The following PIP5K1C variants were observed in gnomAD, a reference collection of about 807,000 sequenced individuals.
PIP5K1C encodes the protein phosphatidylinositol 4-phosphate 5-kinase type-1 gamma.
In PIP5K1C, 45 loss-of-function variants were observed where a neutral mutation model predicts 80.1. That is an observed-to-expected ratio of 0.56 (90% CI 0.44 to 0.72). The LOEUF is 0.72. Among genes scored for constraint, PIP5K1C ranks in the 30% least tolerant of loss-of-function variants. The pLI is 0.00. For missense variants in PIP5K1C, 753 were observed against 954.6 expected (o/e 0.79, Z 2.78); for synonymous variants, 498 against 420.1 (o/e 1.19, Z -2.27).
rs979715591 is a variant in PIP5K1C at position 3,664,832 on chromosome 19, G to A, written c.209C>T (p.Thr70Ile). The A allele has an allele frequency of 9.9e-6, 16 of 1,612,836 alleles. No individual in the cohort carries two copies. The highest frequency in any genetic ancestry group is 1.3e-5 in the African/African-American group (1 of 74,922). Residue 70 changes from threonine (T) to isoleucine (I), a missense_variant, in exon 3 of 18, where the codon ACC (threonine) becomes ATC (isoleucine). Around this residue, in one of 6 missense-constraint regions of PIP5K1C, gnomAD observed 139 missense variants for 289.7 expected, o/e 0.48. Transcript: ENST00000335312. Reference protein sequence around the residue: ...HRGVDASGETTYKKTTSSTLK... With the variant: ...HRGVDASGETIYKKTTSSTLK... Reference sequence around the variant, plus strand: ...GGGGAGCCGAGGAACCTTCTTGTAGGTGGTTTCGCCGGATGCGTCCACACC... The same window carrying A: ...GGGGAGCCGAGGAACCTTCTTGTAGATGGTTTCGCCGGATGCGTCCACACC...
intron 1 of PIP5K1C, among the ~76,000 whole-genome samples, chr19:3,681,836 T>C (rs1329479161): frequency 6.6e-6 from 1 of 151,972 alleles, no homozygotes; most frequent in Non-Finnish European, 1.5e-5. Context: ...AGGCACATTC[T>C]TCAGATAAAC....
At chr19:3,670,972 G>A (rs1483326926) in intron 1 of PIP5K1C, among the ~76,000 whole-genome samples, 4 of 152,268 alleles carry the variant, frequency 2.6e-5, no homozygotes, top group Admixed American at 6.5e-5. Context: ...CCGCGGCGGG[G>A]CGGAAGGTGC....
chr19:3,674,800 C>A (rs1194174268), intron 1 of PIP5K1C, among the ~76,000 whole-genome samples: 1 of 152,240 alleles, frequency 6.6e-6, no homozygotes, highest in Non-Finnish European at 1.5e-5. Flanking sequence ...CGTGCCCGGC[C>A]TATCTGTGGA....
chr19:3,648,042 G>A lies in PIP5K1C; in HGVS notation c.1211+583C>T, dbSNP rs557629101. ...GATTTTCTTTTTTCTTTTTTTTTGG[G>A]ACAGGGTCTTGCTCTGTCACCCAGC... is the stretch of plus-strand genomic sequence containing the variant. On this transcript the variant is annotated intron_variant, in intron 9 of 17. Transcript: ENST00000335312. The surrounding 1 kb of genome is among the most constrained non-coding windows in gnomAD (Gnocchi z 4.3). Among the ~76,000 whole-genome samples, 2 of 151,720 alleles carry A rather than the reference G, an allele frequency of 1.3e-5. No individual in the cohort carries two copies. Among genetic ancestry groups the A allele is most frequent in the South Asian group, 4.2e-4 (2 of 4,818 alleles).
In PIP5K1C at chr19:3,636,482, C is replaced by G. The variant is rs573609408; in HGVS notation, c.1920+2402G>C. 9 of 985,450 alleles carry G rather than the reference C, an allele frequency of 9.1e-6. No individual in the cohort carries two copies. The Admixed American group carries it at 1.8e-4, about 20-fold the overall frequency. 61.0% of individuals were successfully genotyped at this position (985,450 alleles called of 1,614,324 possible). A position where few individuals can be genotyped will look rare whatever the true frequency, so the allele number is the denominator to read the frequency against. ...GTGTTTTTCAAAGTCCAAGCACCCC[C>G]CTCCGTAGGCGGCCTCTGCGAACTG... On this transcript the variant is annotated intron_variant, in intron 16 of 17. Coordinates refer to ENST00000335312, the MANE Select transcript of PIP5K1C (RefSeq NM_012398.3).
chr19:3,666,326 G>A (rs1310818331), intron 2 of PIP5K1C, among the ~76,000 whole-genome samples: 1 of 152,234 alleles, frequency 6.6e-6, no homozygotes, highest in Non-Finnish European at 1.5e-5. Context: ...CCACCCCACT[G>A]CGCCCACTGG....
Position 3,644,069 on chromosome 19 carries a change from C to T in PIP5K1C, c.1510+18G>A. 1.2e-6 allele frequency: 2 copies of T among 1,609,724 alleles called. No individual in the cohort carries two copies. The highest frequency in any genetic ancestry group is 1.7e-6 in the Non-Finnish European group (2 of 1,179,720). ...CCCCTGTAGCGCCCACAAGCGCACT[C>T]TGCCCTCTGCCCCTCACCTTCGTCC... On this transcript the variant is annotated intron_variant, in intron 12 of 17. Coordinates refer to ENST00000335312, the MANE Select transcript of PIP5K1C (RefSeq NM_012398.3).
intron 1 of PIP5K1C, among the ~76,000 whole-genome samples, chr19:3,694,648 A>G (rs1398727420): frequency 6.6e-6 from 1 of 151,952 alleles, no homozygotes; most frequent in African/African-American, 2.4e-5. Context: ...ACCCCACGCG[A>G]CCCTCTCCCA....
At chr19:3,663,394 T>C (rs1600013762) in intron 3 of PIP5K1C, among the ~76,000 whole-genome samples, 1 of 152,088 alleles carries the variant, frequency 6.6e-6, no homozygotes. Context: ...ACACTCTGGG[T>C]GGTGGGGGGT....
intron 1 of PIP5K1C, among the ~76,000 whole-genome samples, chr19:3,675,228 A>C (rs1158860971): frequency 2.0e-5 from 3 of 152,218 alleles, no homozygotes; most frequent in Non-Finnish European, 4.4e-5. Flanking sequence ...AGTAAGCAGT[A>C]AGACACTTTC....
chr19:3,638,756 G>A (rs113731968), intron 16 of PIP5K1C, 128 bp downstream of exon 16: 6 of 980,570 alleles, frequency 6.1e-6, no homozygotes, highest in African/African-American at 6.1e-5. Flanking sequence ...GAGAGCATGT[G>A]GGTGGGTCGA....
chr19:3,660,037 T>C (rs1399978144), intron 5 of PIP5K1C, among the ~76,000 whole-genome samples: 1 of 152,130 alleles, frequency 6.6e-6, no homozygotes, highest in African/African-American at 2.4e-5. Context: ...CCGGAGCTTT[T>C]AGAAGTGGTG....
At chr19:3,679,734 G>A (rs946967671) in intron 1 of PIP5K1C, among the ~76,000 whole-genome samples, 1 of 152,200 alleles carries the variant, frequency 6.6e-6, no homozygotes. Flanking sequence ...GGGGCATCAG[G>A]AAGAAGCACA....
chr19:3,664,937 G>A (rs545140110), intron 2 of PIP5K1C, 23 bp from the exon 3 acceptor site: 12 of 1,574,804 alleles, frequency 7.6e-6, no homozygotes, highest in East Asian at 2.2e-5. Flanking sequence ...AGCAGGAAGC[G>A]TTAACTCCCT....
At chr19:3,684,816 C>G (rs1168035294) in intron 1 of PIP5K1C, among the ~76,000 whole-genome samples, 1 of 152,236 alleles carries the variant, frequency 6.6e-6, no homozygotes, top group Non-Finnish European at 1.5e-5. Context: ...GCACCAGGAT[C>G]TGGTTCCCTG....
Position 3,681,957 on chromosome 19 carries a change from G to A in PIP5K1C, c.95-14604C>T, listed in dbSNP as rs375485998. On this transcript the variant is annotated intron_variant, in intron 1 of 17. Coordinates refer to ENST00000335312, the MANE Select transcript of PIP5K1C (RefSeq NM_012398.3). ...CCTTCCCCGTCAGCCTGGCGTGTAG[G>A]AATATGCTTCCACGAGCCCAGATTG... Among the ~76,000 whole-genome samples the A allele has an allele frequency of 2.9e-3, 446 of 152,244 alleles. 6 individuals are homozygous for A. Among genetic ancestry groups the A allele is most frequent in the African/African-American group, 0.01 (432 of 41,534 alleles).
At position 3,694,233 on chromosome 19, in the gene PIP5K1C, T is replaced by C. The variant is rs562889132; in HGVS notation, c.94+6064A>G. ...TCTCAAAAAAAAAAAAAAAAAAAAA[T>C]TTAAAACAAAGGGAAGTCACTTGCT... On this transcript the variant is annotated intron_variant, in intron 1 of 17. Coordinates refer to ENST00000335312, the MANE Select transcript of PIP5K1C (RefSeq NM_012398.3). Among the ~76,000 whole-genome samples the C allele has an allele frequency of 6.8e-5, 10 of 146,450 alleles. No homozygotes were observed. The East Asian group carries it at 1.2e-3, about 18-fold the overall frequency.
intron 13 of PIP5K1C, 138 bp downstream of exon 13, chr19:3,643,105 A>G: frequency 6.8e-7 from 1 of 1,473,078 alleles, no homozygotes; most frequent in Non-Finnish European, 9.4e-7. Flanking sequence ...GCGCACCCAC[A>G]TGCAGTGTAT....
Position 3,651,900 on chromosome 19 carries a change from C to T in PIP5K1C, c.1053G>A (p.Lys351=). 6.2e-7 allele frequency: 1 copy of T among 1,612,866 alleles called. No homozygotes were observed. Among genetic ancestry groups the T allele is most frequent in the Non-Finnish European group, 8.5e-7 (1 of 1,179,948 alleles). ...TSDEKRPVGQ[K]ALYSTAMESI... is the part of the protein sequence containing the mutation. Reference sequence around the variant, plus strand: ...ACTCCATGGCCGTGGAGTAGAGCGCCTTCTGGCCCACAGGCCGCTTCTCAT... The same window carrying T: ...ACTCCATGGCCGTGGAGTAGAGCGCTTTCTGGCCCACAGGCCGCTTCTCAT... Residue 351 remains lysine, a synonymous_variant, in exon 8 of 18, where the codon AAG becomes AAA. Coordinates refer to ENST00000335312, the MANE Select transcript of PIP5K1C (RefSeq NM_012398.3).
Sources: gnomAD v4.1 joint callset for allele counts (sites outside exome capture counted in the v4.1 genomes callset) on GRCh38, gnomAD v4.1.1 for gene constraint, gnomAD v4.1.1 regional missense constraint, Gnocchi (gnomAD v3.1) non-coding constraint, MANE v1.5 for transcripts, NCBI Gene and HGNC (gene_info 2026-07-23, HGNC 2026-07-21) for gene names.